POLN: variants seen among roughly 807,000 people sequenced by gnomAD.
POLN encodes DNA polymerase N.
Under a neutral mutation model 113.5 loss-of-function variants are expected in POLN, and 108 were observed. That is an observed-to-expected ratio of 0.95 (90% CI 0.81 to 1.12). POLN has a LOEUF of 1.12. Among genes scored for constraint, POLN ranks in the 50% most tolerant of loss-of-function variants. The pLI is 0.00. For synonymous variants in POLN, 386 were observed against 391.5 expected (o/e 0.99, Z 0.17); for missense variants, 1,097 against 1,077.1 (o/e 1.02, Z -0.26).
chr4:2,239,978 T>C, intron 2 of POLN: 1 of 1,310,822 alleles, frequency 7.6e-7, no homozygotes, highest in Non-Finnish European at 1.1e-6. Context: ...ACAGCAATAT[T>C]ATCTCCTCTA....
At chr4:2,215,595 G>A (rs1340573953) in intron 3 of POLN, among the ~76,000 whole-genome samples, 1 of 152,016 alleles carries the variant, frequency 6.6e-6, no homozygotes, top group African/African-American at 2.4e-5. Context: ...TGGGCCCTTG[G>A]GCAAAGAAGT....
At chr4:2,113,003 T>C (rs1379484286) in intron 19 of POLN, among the ~76,000 whole-genome samples, 3 of 151,924 alleles carry the variant, frequency 2.0e-5, no homozygotes, top group African/African-American at 4.8e-5. Context: ...CCAACAATGA[T>C]AGACTGGATT....
intron 16 of POLN, among the ~76,000 whole-genome samples, chr4:2,139,439 A>G (rs115677492): frequency 0.013 from 1,948 of 152,316 alleles, 48 homozygotes; most frequent in African/African-American, 0.045. Context: ...TCAAAGGTGA[A>G]CTGAATAGAA....
intron 21 of POLN, among the ~76,000 whole-genome samples, chr4:2,085,166 GCTA>G (rs1730517836): frequency 6.6e-6 from 1 of 152,094 alleles, no homozygotes; most frequent in Non-Finnish European, 1.5e-5. Flanking sequence ...TGGAAGGATG[GCTA>G]CACATACTCA....
At chr4:2,184,988 C>T (rs1215657298) in intron 7 of POLN, among the ~76,000 whole-genome samples, 1 of 152,062 alleles carries the variant, frequency 6.6e-6, no homozygotes. Context: ...TTTATCTTGG[C>T]TTTTCTATAT....
chr4:2,231,152 A>G (rs1424232289), intron 2 of POLN: 2 of 152,358 alleles, frequency 1.3e-5, no homozygotes, highest in South Asian at 4.1e-4. Flanking sequence ...TAGGGACATT[A>G]AAACAGCCTA....
Position 2,127,179 on chromosome 4 carries a change from GAGC to G in POLN, c.1982+931_1982+933del. ...GGGAGGGGTGAGGGGGCCGTAGGGG[GAGC>G]AGAAGAGGCCCAAGGTGATGGGGAG... On this transcript the variant is annotated intron_variant, in intron 19 of 25. Coordinates refer to ENST00000511885, the MANE Select transcript of POLN (RefSeq NM_181808.4). The surrounding 1 kb of genome is among the most constrained non-coding windows in gnomAD (Gnocchi z 4.7). 6.6e-6 allele frequency among the ~76,000 whole-genome samples: 1 copy of G among 151,692 alleles called. No individual in the cohort carries two copies. Among genetic ancestry groups the G allele is most frequent in the South Asian group, 2.1e-4 (1 of 4,790 alleles).
intron 16 of POLN, among the ~76,000 whole-genome samples, chr4:2,153,806 G>A (rs144055892): frequency 1.3e-5 from 2 of 151,798 alleles, no homozygotes; most frequent in East Asian, 2.0e-4. Context: ...GAATGTTCTC[G>A]ATCTCCTGAC....
chr4:2,195,955 T>TG (rs1414252548), intron 6 of POLN, among the ~76,000 whole-genome samples: 1 of 152,162 alleles, frequency 6.6e-6, no homozygotes. Flanking sequence ...AGGGAAAGTT[T>TG]GGGGGAGAAG....
chr4:2,177,282 C>A (rs1315241675), intron 8 of POLN: 1 of 482,944 alleles, frequency 2.1e-6, no homozygotes, highest in Non-Finnish European at 4.1e-6. Context: ...TGGCTCCCCA[C>A]AGCCATGCCT....
rs182883652 is a variant in POLN, at chr4:2,214,878, C to T, written c.134-1752G>A. Among the ~76,000 whole-genome samples, 3 of 149,984 alleles carry T rather than the reference C, an allele frequency of 2.0e-5. No individual in the cohort carries two copies. In the East Asian group the frequency reaches 5.8e-4, roughly 29 times the overall value. On this transcript the variant is annotated intron_variant, in intron 3 of 25. Coordinates refer to ENST00000511885, the MANE Select transcript of POLN (RefSeq NM_181808.4). ...GCTGTTTTATATATATACACACACA[C>T]ATATACACATACATATACATATATA...
In POLN at chr4:2,241,554, A is replaced by G. The variant is rs577597839; in HGVS notation, c.-47T>C. 7.1e-6 allele frequency: 7 copies of G among 985,846 alleles called. No individual in the cohort carries two copies. Among genetic ancestry groups the G allele is most frequent in the South Asian group, 9.4e-5 (2 of 21,300 alleles). 61.1% of individuals were successfully genotyped at this position (985,846 alleles called of 1,614,324 possible). A position where few individuals can be genotyped will look rare whatever the true frequency, so the allele number is the denominator to read the frequency against. ...TCGCCGGGCAAGGCTCCACCTCCAG[A>G]GTCCACCACCGCGACGCGGAGAACA... On this transcript the variant is annotated 5_prime_UTR_variant, in exon 2 of 26. Transcript: ENST00000511885.
chr4:2,128,076 TG>T, intron 19 of POLN, 36 bp downstream of exon 19: 2 of 1,329,948 alleles, frequency 1.5e-6, no homozygotes. Context: ...TTGGCCTTCC[TG>T]CAGATCTGAT....
intron 16 of POLN, among the ~76,000 whole-genome samples, chr4:2,149,754 C>T (rs987174784): frequency 6.6e-6 from 1 of 152,140 alleles, no homozygotes; most frequent in Non-Finnish European, 1.5e-5. Context: ...TCACTGTACT[C>T]TAGCCTGGGC....
intron 2 of POLN, chr4:2,239,162 T>C (rs1734880830): frequency 1.9e-6 from 1 of 534,520 alleles, no homozygotes; most frequent in South Asian, 4.0e-5. Flanking sequence ...TGAAAACTAA[T>C]TTAATATTCA....
Position 2,127,994 on chromosome 4 carries a change from A to G in POLN, c.1982+119T>C. 1.5e-6 allele frequency: 1 copy of G among 672,608 alleles called. No homozygotes were observed. Among genetic ancestry groups the G allele is most frequent in the Non-Finnish European group, 2.6e-6 (1 of 391,120 alleles). 41.7% of individuals were successfully genotyped at this position (672,608 alleles called of 1,614,324 possible). A position where few individuals can be genotyped will look rare whatever the true frequency, so the allele number is the denominator to read the frequency against. Reference sequence around the variant, plus strand: ...ACTCTTCTTTTCAAAATGATTAGCTATTAGCCACAAAAAATATAATTTCTG... The same window carrying G: ...ACTCTTCTTTTCAAAATGATTAGCTGTTAGCCACAAAAAATATAATTTCTG... On this transcript the variant is annotated intron_variant, in intron 19 of 25. Transcript: ENST00000511885. The surrounding 1 kb of genome is among the most constrained non-coding windows in gnomAD (Gnocchi z 4.7).
intron 3 of POLN, among the ~76,000 whole-genome samples, chr4:2,219,566 C>A (rs1457588880): frequency 6.6e-6 from 1 of 152,054 alleles, no homozygotes; most frequent in African/African-American, 2.4e-5. Context: ...TATTATCAGC[C>A]CTGGTCTATA....
intron 11 of POLN, among the ~76,000 whole-genome samples, chr4:2,172,236 A>G (rs951649620): frequency 6.6e-6 from 1 of 152,208 alleles, no homozygotes; most frequent in Admixed American, 6.5e-5. Flanking sequence ...AAACAAAAAC[A>G]AAAACAAAAA....
At chr4:2,171,750 G>A (rs943278692) in intron 11 of POLN, among the ~76,000 whole-genome samples, 2 of 151,970 alleles carry the variant, frequency 1.3e-5, no homozygotes, top group African/African-American at 2.4e-5. Context: ...GCCCAGCCTG[G>A]GCAACATAGT....
Sources: allele counts gnomAD v4.1 joint callset (sites outside exome capture counted in the v4.1 genomes callset), GRCh38; gene constraint gnomAD v4.1.1; non-coding constraint Gnocchi (gnomAD v3.1); transcripts MANE v1.5; gene names NCBI Gene and HGNC (gene_info 2026-07-23, HGNC 2026-07-21).